The following SP100 variants were observed in gnomAD, a reference collection of about 807,000 sequenced individuals.
The protein encoded by SP100 is SP100 nuclear body protein.
In SP100, 84 loss-of-function variants were observed where a neutral mutation model predicts 130.0. That is an observed-to-expected ratio of 0.65 (90% CI 0.54 to 0.77). The LOEUF (loss-of-function observed/expected upper bound fraction) is 0.77, where lower values mean the gene tolerates loss of function less well. SP100 is among the 30% of genes least tolerant of loss of function. SP100 has a pLI of 0.00. For missense variants in SP100, 978 were observed against 1,052.2 expected, an observed-to-expected ratio of 0.93 and a Z score of 0.97; for synonymous variants, 331 against 351.7, an observed-to-expected ratio of 0.94 and a Z score of 0.66.
chr2:230,445,983 C>G (rs913003728), intron 4 of SP100, among the ~76,000 whole-genome samples: 3 of 152,210 alleles, frequency 2.0e-5, no homozygotes, highest in African/African-American at 7.2e-5. Context: ...GAAGTCCACA[C>G]AAGCTGCCCC....
chr2:230,438,887 G>A (rs1001477701), intron 2 of SP100, among the ~76,000 whole-genome samples: 2 of 152,002 alleles, frequency 1.3e-5, no homozygotes, highest in Admixed American at 1.3e-4. Context: ...CCCAGTAGTG[G>A]GATTGCTGGA....
chr2:230,441,365 A>G (rs1258537179), intron 2 of SP100, among the ~76,000 whole-genome samples: 1 of 152,192 alleles, frequency 6.6e-6, no homozygotes, highest in East Asian at 1.9e-4. Context: ...GTACTCTTAC[A>G]CAATGACCAA....
intron 17 of SP100, chr2:230,493,759 ATTTC>A (rs1318876109): frequency 6.6e-6 from 1 of 151,728 alleles, no homozygotes; most frequent in Non-Finnish European, 1.5e-5. Flanking sequence ...TTTACTGGTA[ATTTC>A]TTTCTTTTTT....
At chr2:230,469,486 C>T (rs757432079) in intron 14 of SP100, 7 of 462,878 alleles carry the variant, frequency 1.5e-5, no homozygotes, top group African/African-American at 6.0e-5. Flanking sequence ...GCCTAAGAAG[C>T]GTAAGAAACA....
chr2:230,440,614 A>C (rs2063439220), intron 2 of SP100: 1 of 1,335,634 alleles, frequency 7.5e-7, no homozygotes, highest in Admixed American at 3.7e-5. Flanking sequence ...TGTTGTTGTC[A>C]TCTCCCCCAA....
intron 8 of SP100, among the ~76,000 whole-genome samples, chr2:230,454,242 G>A (rs1374415622): frequency 6.6e-6 from 1 of 151,834 alleles, no homozygotes; most frequent in Non-Finnish European, 1.5e-5. Flanking sequence ...AAAAGCCAGT[G>A]CTTTGTTTTG....
intron 8 of SP100, among the ~76,000 whole-genome samples, chr2:230,451,058 T>C (rs1002242580): frequency 1.3e-5 from 2 of 152,240 alleles, no homozygotes; most frequent in African/African-American, 4.8e-5. Context: ...TTTTGACTTA[T>C]GATGTGTTCA....
intron 26 of SP100, 115 bp downstream of exon 26, chr2:230,541,111 T>G: frequency 1.5e-5 from 21 of 1,367,568 alleles, no homozygotes; most frequent in Non-Finnish European, 2.1e-5. Flanking sequence ...TGGCCTATGG[T>G]GTGCTTTGCT....
At chr2:230,532,430 T>C (rs796580263) in intron 24 of SP100, among the ~76,000 whole-genome samples, 12 of 152,288 alleles carry the variant, frequency 7.9e-5, no homozygotes, top group African/African-American at 2.6e-4. Flanking sequence ...CAGAAAATAT[T>C]GGCCTATCCT....
chr2:230,528,527 C>G (rs1575809268), intron 24 of SP100, among the ~76,000 whole-genome samples: 1 of 102,710 alleles, frequency 9.7e-6, no homozygotes, highest in Non-Finnish European at 2.0e-5. Flanking sequence ...ACTAGAGAAG[C>G]AAGAGAAAAC....
chr2:230,531,705 A>G lies in SP100; in HGVS notation c.2095-7562A>G, dbSNP rs75482233. Among the ~76,000 whole-genome samples the G allele has an allele frequency of 1.2e-4, 18 of 152,298 alleles. No homozygotes were observed. The East Asian group carries it at 3.3e-3, about 28-fold the overall frequency. On this transcript the variant is annotated intron_variant, in intron 24 of 28. Coordinates refer to ENST00000340126, the MANE Select transcript of SP100 (RefSeq NM_001080391.2). ...CTTCACATTCTATCTGCAATTGTGCATAGATAGTACTAGCACTAAAGTACT... is the reference window on the plus strand; with the variant it reads ...CTTCACATTCTATCTGCAATTGTGCGTAGATAGTACTAGCACTAAAGTACT...
chr2:230,536,309 A>G (rs983253901), intron 24 of SP100, among the ~76,000 whole-genome samples: 3 of 152,216 alleles, frequency 2.0e-5, no homozygotes, highest in African/African-American at 7.2e-5. Context: ...AAGATTGACA[A>G]CCAGTTCCCC....
Position 230,545,306 on chromosome 2 carries a change from T to A in SP100, c.*2360T>A, listed in dbSNP as rs1420461404. Among the ~76,000 whole-genome samples, 1 of 152,222 alleles carries A rather than the reference T, an allele frequency of 6.6e-6. No individual in the cohort carries two copies. The highest frequency in any genetic ancestry group is 6.5e-5 in the Admixed American group (1 of 15,272). ...ACATGGATAGAGCTGGAGGCTATTA[T>A]CCTTAGCAAACTAATTCAGGAACAG... On this transcript the variant is annotated 3_prime_UTR_variant, in exon 29 of 29. Coordinates refer to ENST00000340126, the MANE Select transcript of SP100 (RefSeq NM_001080391.2).
chr2:230,489,053 A>G (rs1365458483), intron 17 of SP100, among the ~76,000 whole-genome samples: 1 of 152,094 alleles, frequency 6.6e-6, no homozygotes, highest in African/African-American at 2.4e-5. Flanking sequence ...GTTAGGGAGG[A>G]GTCACTCCTT....
chr2:230,511,578 G>C (rs1330825726), intron 24 of SP100, among the ~76,000 whole-genome samples: 1 of 152,182 alleles, frequency 6.6e-6, no homozygotes, highest in African/African-American at 2.4e-5. Context: ...GGTGCAGACA[G>C]AGCTCAGTCA....
rs2064615061 is a variant in SP100, at chr2:230,461,377, A to G, written c.936A>G (p.Gln312=). 1 of 1,614,086 alleles carries G rather than the reference A, an allele frequency of 6.2e-7. No individual in the cohort carries two copies. Among genetic ancestry groups the G allele is most frequent in the Non-Finnish European group, 8.5e-7 (1 of 1,180,014 alleles). ...ATTCAAAAGTTGAGTGCCAAGCCCAAGCAAGAACTCATCATAACCAGGCAT... is the reference window on the plus strand; with the variant it reads ...ATTCAAAAGTTGAGTGCCAAGCCCAGGCAAGAACTCATCATAACCAGGCAT... ...FSNSKVECQA[Q]ARTHHNQASD... is the part of the protein sequence containing the mutation. Residue 312 remains glutamine, a synonymous_variant, in exon 9 of 29, where the codon CAA becomes CAG. Coordinates refer to ENST00000340126, the MANE Select transcript of SP100 (RefSeq NM_001080391.2).
At chr2:230,498,791 C>A (rs142249196) in intron 19 of SP100, among the ~76,000 whole-genome samples, 65 of 152,250 alleles carry the variant, frequency 4.3e-4, no homozygotes, top group African/African-American at 1.5e-3. Flanking sequence ...TGATAACTTT[C>A]AAGGCTGGAA....
intron 2 of SP100, among the ~76,000 whole-genome samples, chr2:230,432,077 A>G (rs956111980): frequency 6.6e-6 from 1 of 152,124 alleles, no homozygotes; most frequent in Admixed American, 6.5e-5. Flanking sequence ...GCAACCATCA[A>G]TATACTTTCT....
chr2:230,543,052 T>C lies in SP100; in HGVS notation c.*106T>C. ...CTGTGGAAACTCCACATCACAATTC[T>C]CCAAAATTTATCATTGCCATTTTAA... is the stretch of plus-strand genomic sequence containing the variant. On this transcript the variant is annotated 3_prime_UTR_variant, in exon 29 of 29. Coordinates refer to ENST00000340126, the MANE Select transcript of SP100 (RefSeq NM_001080391.2). The C allele has an allele frequency of 1.7e-6, 1 of 587,404 alleles. No homozygotes were observed. Among genetic ancestry groups the C allele is most frequent in the Non-Finnish European group, 3.0e-6 (1 of 330,742 alleles). 36.4% of individuals were successfully genotyped at this position (587,404 alleles called of 1,614,324 possible).
Sources: gnomAD v4.1 joint callset for allele counts (sites outside exome capture counted in the v4.1 genomes callset) on GRCh38, gnomAD v4.1.1 for gene constraint, MANE v1.5 for transcripts, NCBI Gene and HGNC (gene_info 2026-07-23, HGNC 2026-07-21) for gene names.